The following ELN variants were observed in gnomAD, a reference collection of about 807,000 sequenced individuals.
The protein encoded by ELN is tropoelastin.
ELN carries 65 observed loss-of-function variants against 105.8 expected under a neutral mutation model. The ratio of observed to expected loss-of-function variants is 0.61; its 90% CI spans 0.50 to 0.75. The LOEUF (loss-of-function observed/expected upper bound fraction) is 0.75. ELN is among the 30% of genes least tolerant of loss of function. ELN has a pLI of 0.00. For missense variants in ELN, 882 were observed against 969.4 expected (o/e 0.91, Z 1.20); for synonymous variants, 368 against 389.2 (o/e 0.95, Z 0.64).
intron 1 of ELN, among the ~76,000 whole-genome samples, chr7:74,029,202 C>CTG (rs1333356592): frequency 6.6e-6 from 1 of 151,886 alleles, no homozygotes; most frequent in African/African-American, 2.4e-5. Flanking sequence ...GTGTGTACAT[C>CTG]TGTGTGTGTG....
chr7:74,060,619 G>C, intron 25 of ELN, 118 bp downstream of exon 25: 1 of 1,570,628 alleles, frequency 6.4e-7, no homozygotes, highest in East Asian at 2.4e-5. Context: ...TAAAATCCTT[G>C]TTAGGTTCTC....
In ELN at chr7:74,054,750, T is replaced by C. The variant is rs782418728; in HGVS notation, c.1131T>C (p.Ala377=). 1.2e-5 allele frequency: 19 copies of C among 1,614,076 alleles called. No homozygotes were observed. In the East Asian group the frequency reaches 3.3e-4, roughly 28 times the overall value. Residue 377 remains alanine, a synonymous_variant, in exon 19 of 33, where the codon GCT becomes GCC. Coordinates refer to ENST00000252034, the MANE Select transcript of ELN (RefSeq NM_000501.4). ...CACCAGAAGCAGCTGCTAAGGCAGC[T>C]GCAAAGGCAGCCAAATACGGTGAGT... The part of the protein sequence containing the change: ...VVSPEAAAKA[A]AKAAKYGARP...
chr7:74,046,771 A>T lies in ELN; in HGVS notation c.643+4A>T. On this transcript the variant is annotated splice_donor_region_variant and intron_variant, in intron 12 of 32. Coordinates refer to ENST00000252034, the MANE Select transcript of ELN (RefSeq NM_000501.4). ...ATCAAGGCCCCCAAGCTGCCTGGTA[A>T]GTCAGAGGGACGGTTCAAGATGCAC... 6.2e-7 allele frequency: 1 copy of T among 1,614,030 alleles called. No homozygotes were observed. The highest frequency in any genetic ancestry group is 8.5e-7 in the Non-Finnish European group (1 of 1,179,974).
At chr7:74,037,775 G>C in intron 4 of ELN, 36 bp downstream of exon 4, 1 of 1,605,854 alleles carries the variant, frequency 6.2e-7, no homozygotes, top group Non-Finnish European at 8.5e-7. Context: ...GAGAGACAGC[G>C]AGGGAGCTGG....
rs782792414 is a variant in ELN at position 74,048,552 on chromosome 7, G to T, written c.795G>T (p.Lys265Asn). The change falls in exon 15 of 33, where the codon AAG becomes AAT. Residue 265 changes from lysine (K) to asparagine (N), a missense_variant. Coordinates refer to ENST00000252034, the MANE Select transcript of ELN (RefSeq NM_000501.4). ...CAGCGGCAGCTAAAGCAGCAGCAAA[G>T]TTCGGTGAGTGCCCCTGGAGTCCCC... The part of the protein sequence containing the change: ...AAAAAAKAAA[K>N]FGAGAAGVLP... The T allele has an allele frequency of 1.2e-6, 2 of 1,613,916 alleles. No homozygotes were observed. The highest frequency in any genetic ancestry group is 8.5e-7 in the Non-Finnish European group (1 of 1,179,898).
chr7:74,040,168 A>G (rs1265906959), intron 4 of ELN, among the ~76,000 whole-genome samples: 1 of 152,104 alleles, frequency 6.6e-6, no homozygotes, highest in African/African-American at 2.4e-5. Flanking sequence ...GCCTCTTCTC[A>G]CTTCCTGTGC....
chr7:74,053,295 G>C lies in ELN; in HGVS notation c.1082G>C (p.Gly361Ala). ...GTTGTCCCAGGTGCTGGGATCCCAGGTGCTGCGGTTCCAGGTGAGCTGGGC... is the reference window on the plus strand; with the variant it reads ...GTTGTCCCAGGTGCTGGGATCCCAGCTGCTGCGGTTCCAGGTGAGCTGGGC... ...IPVVPGAGIP[G>A]AAVPGVVSPE... The change falls in exon 18 of 33, where the codon GGT becomes GCT. Residue 361 changes from glycine to alanine, a missense_variant. Coordinates refer to ENST00000252034, the MANE Select transcript of ELN (RefSeq NM_000501.4). 6.2e-7 allele frequency: 1 copy of C among 1,613,068 alleles called. No individual in the cohort carries two copies. The highest frequency in any genetic ancestry group is 8.5e-7 in the Non-Finnish European group (1 of 1,179,744).
intron 25 of ELN, 95 bp from the exon 26 acceptor site, chr7:74,061,006 C>T (rs1482113916): frequency 6.7e-7 from 1 of 1,483,466 alleles, no homozygotes; most frequent in African/African-American, 1.4e-5. Context: ...CAATAGAGGC[C>T]AAGGAAGTCA....
chr7:74,035,470 T>A (rs1554665015), intron 2 of ELN, 56 bp downstream of exon 2: 1 of 1,599,048 alleles, frequency 6.3e-7, no homozygotes, highest in Non-Finnish European at 8.6e-7. Context: ...CTGATGTCCA[T>A]AATAGATGCA....
Position 74,068,703 on chromosome 7 carries a change from T to C in ELN, c.*3T>C. 6.2e-7 allele frequency: 1 copy of C among 1,613,904 alleles called. No homozygotes were observed. The highest frequency in any genetic ancestry group is 1.1e-5 in the South Asian group (1 of 91,086). Reference sequence around the variant, plus strand: ...CTTGTGGCCGGAAGAGAAAATGAGCTTCCTAGGACCCCTGACTCACGACCT... The same window carrying C: ...CTTGTGGCCGGAAGAGAAAATGAGCCTCCTAGGACCCCTGACTCACGACCT... On this transcript the variant is annotated 3_prime_UTR_variant, in exon 33 of 33. Coordinates refer to ENST00000252034, the MANE Select transcript of ELN (RefSeq NM_000501.4).
At chr7:74,044,230 G>C (rs898799582) in intron 9 of ELN, among the ~76,000 whole-genome samples, 1 of 152,118 alleles carries the variant, frequency 6.6e-6, no homozygotes, top group African/African-American at 2.4e-5. Flanking sequence ...GACAGAGCAA[G>C]ACCCTGTCTC....
intron 10 of ELN, chr7:74,045,965 G>A: frequency 1.7e-6 from 1 of 583,374 alleles, no homozygotes; most frequent in Non-Finnish European, 3.0e-6. Flanking sequence ...AACCTGGGAG[G>A]CAGAGGTTGC....
At chr7:74,066,691 T>G (rs1381017393) in intron 31 of ELN, 41 bp from the exon 32 acceptor site, 38 of 1,611,986 alleles carry the variant, frequency 2.4e-5, no homozygotes, top group Non-Finnish European at 3.1e-5. Context: ...GGAGTCAGTT[T>G]CCACCCCTAC....
chr7:74,041,656 A>G (rs1036750409), intron 5 of ELN, among the ~76,000 whole-genome samples: 2 of 152,076 alleles, frequency 1.3e-5, no homozygotes, highest in Non-Finnish European at 1.5e-5. Flanking sequence ...TCAGAGAGCT[A>G]TGATCATGTC....
chr7:74,064,471 C>T (rs1293493607), intron 29 of ELN, among the ~76,000 whole-genome samples: 1 of 149,314 alleles, frequency 6.7e-6, no homozygotes, highest in South Asian at 2.1e-4. Flanking sequence ...TATAAATTAG[C>T]TGGGCATGGT....
In ELN at chr7:74,066,787, C is replaced by A; in HGVS notation, c.2131+11C>A. 6.2e-7 allele frequency: 1 copy of A among 1,612,956 alleles called. No individual in the cohort carries two copies. The highest frequency in any genetic ancestry group is 2.2e-5 in the East Asian group (1 of 44,854). ...CTCCCATTTTCCCAGGTATGCCAGGCTCCCTGCCCCTGGGCCCTGCCCTGG... is the reference window on the plus strand; with the variant it reads ...CTCCCATTTTCCCAGGTATGCCAGGATCCCTGCCCCTGGGCCCTGCCCTGG... On this transcript the variant is annotated intron_variant, in intron 32 of 32. Transcript: ENST00000252034.
In ELN at chr7:74,048,174, G is replaced by A. The variant is rs1207030592; in HGVS notation, c.718G>A (p.Gly240Ser). 1 of 1,613,840 alleles carries A rather than the reference G, an allele frequency of 6.2e-7. No homozygotes were observed. The highest frequency in any genetic ancestry group is 8.5e-7 in the Non-Finnish European group (1 of 1,179,958). The change falls in exon 14 of 33, where the codon GGC becomes AGC. Residue 240 changes from glycine to serine, a missense_variant. Physicochemically the swap from Gly to Ser is moderately conservative, Grantham distance 56. Coordinates refer to ENST00000252034, the MANE Select transcript of ELN (RefSeq NM_000501.4). The stretch of plus-strand genomic sequence containing the variant: ...GCCCGGAGGAGTGGCTGGTGCAGCG[G>A]GCAAGGCTGGTTACCCAACAGGGAC... ...YGPGGVAGAA[G>S]KAGYPTGTGV... is the part of the protein sequence containing the mutation.
At chr7:74,035,330 T>A (rs782517405) in intron 1 of ELN, 34 bp from the exon 2 acceptor site, 2 of 1,613,488 alleles carry the variant, frequency 1.2e-6, no homozygotes, top group Non-Finnish European at 8.5e-7. Context: ...TAGTTCTGGC[T>A]CCTGGAGGAC....
In ELN at chr7:74,046,293, A is replaced by T. The variant is rs868983079; in HGVS notation, c.571+76A>T. ...TGGCGTTGGGAGGGGTTGGGCACCC[A>T]AGATCCCATCCAAGCCTGCCCAATT... is the stretch of plus-strand genomic sequence containing the variant. On this transcript the variant is annotated intron_variant, in intron 11 of 32. Coordinates refer to ENST00000252034, the MANE Select transcript of ELN (RefSeq NM_000501.4). The T allele has an allele frequency of 1.2e-5, 20 of 1,602,974 alleles. No individual in the cohort carries two copies. The Middle Eastern group carries it at 5.5e-4, about 44-fold the overall frequency.
Sources: gnomAD v4.1 joint callset for allele counts (sites outside exome capture counted in the v4.1 genomes callset) on GRCh38, gnomAD v4.1.1 for gene constraint, MANE v1.5 for transcripts, NCBI Gene and HGNC (gene_info 2026-07-23, HGNC 2026-07-21) for gene names.